Variants in ARFGEF1 observed in about 807,000 individuals in gnomAD.
ARFGEF1 encodes ARF guanine nucleotide exchange factor 1.
A neutral mutation model predicts 231.0 loss-of-function variants in ARFGEF1; 42 were observed. That is an observed-to-expected ratio of 0.18 (90% CI 0.14 to 0.24). The LOEUF (loss-of-function observed/expected upper bound fraction) is 0.24, where lower values mean the gene tolerates loss of function less well. Among genes scored for constraint, ARFGEF1 ranks in the 10% least tolerant of loss-of-function variants. The pLI, the probability that ARFGEF1 is intolerant of heterozygous loss-of-function variation, is 1.00. For synonymous variants in ARFGEF1, 710 were observed against 732.3 expected, an observed-to-expected ratio of 0.97 and a Z score of 0.49; for missense variants, 1,345 against 2,192.0, an observed-to-expected ratio of 0.61 and a Z score of 7.72.
chr8:67,199,946 A>G lies in ARFGEF1; in HGVS notation c.5385+450T>C, dbSNP rs1838266557. On this transcript the variant is annotated intron_variant, in intron 38 of 38. Transcript: ENST00000262215. Reference sequence around the variant, plus strand: ...TAAAATTCTTAGATGAGGCCCATTCACTAGGGACTCTGGGTTACCTGGAAC... The same window carrying G: ...TAAAATTCTTAGATGAGGCCCATTCGCTAGGGACTCTGGGTTACCTGGAAC... 5.4e-5 allele frequency: 14 copies of G among 258,078 alleles called. No homozygotes were observed. The South Asian group carries it at 6.9e-4, about 13-fold the overall frequency. The allele number at this position is 258,078 out of a possible 1,614,324, so 16.0% of individuals were successfully genotyped here. A position where few individuals can be genotyped will look rare whatever the true frequency, so the allele number is the denominator to read the frequency against.
At chr8:67,275,880 G>A (rs1805293076) in intron 9 of ARFGEF1, 96 bp downstream of exon 9, 1 of 1,486,544 alleles carries the variant, frequency 6.7e-7, no homozygotes, top group Non-Finnish European at 9.1e-7. Context: ...TGGTTCTATA[G>A]GACAAAAAGA....
intron 1 of ARFGEF1, among the ~76,000 whole-genome samples, chr8:67,332,061 A>C (rs1808124261): frequency 6.6e-6 from 1 of 152,226 alleles, no homozygotes; most frequent in Non-Finnish European, 1.5e-5. Context: ...AAAATATTTA[A>C]ACAAATGACA....
chr8:67,189,756 C>A (rs2129574956), intron 5 of ARFGEF1, among the ~76,000 whole-genome samples: 1 of 152,278 alleles, frequency 6.6e-6, no homozygotes, highest in African/African-American at 2.4e-5. Context: ...TTGGCAATAA[C>A]ATCATCCCCC....
chr8:67,285,285 A>G (rs527807078), intron 7 of ARFGEF1, among the ~76,000 whole-genome samples: 1 of 152,198 alleles, frequency 6.6e-6, no homozygotes, highest in Non-Finnish European at 1.5e-5. Flanking sequence ...AGGGAGGCTG[A>G]GGTGGGAGGA....
chr8:67,256,486 C>A (rs1003568730), intron 17 of ARFGEF1, among the ~76,000 whole-genome samples: 1 of 152,006 alleles, frequency 6.6e-6, no homozygotes, highest in African/African-American at 2.4e-5. Flanking sequence ...TCAAAACAGA[C>A]ACAAAAAATC....
chr8:67,307,193 C>G (rs1188137268), intron 1 of ARFGEF1, among the ~76,000 whole-genome samples: 1 of 152,212 alleles, frequency 6.6e-6, no homozygotes, highest in African/African-American at 2.4e-5. Context: ...CGCTAGTATT[C>G]AAAAATACTT....
Position 67,277,303 on chromosome 8 carries a change from T to A in ARFGEF1, c.1182A>T (p.Ser394=), listed in dbSNP as rs1222872591. ...YTPSLPDDRL[S]VSSNDTQESG... ...ATACCTGAGTATCATTGGAAGAGAC[T>A]GACAATCTATCATCAGGTAAGGATG... The change falls in exon 8 of 39, where the codon TCA becomes TCT. Residue 394 remains serine (S), a synonymous_variant. Transcript: ENST00000262215. The A allele has an allele frequency of 6.2e-7, 1 of 1,613,292 alleles. No homozygotes were observed. Among genetic ancestry groups the A allele is most frequent in the Non-Finnish European group, 8.5e-7 (1 of 1,179,570 alleles).
Position 67,211,607 on chromosome 8 carries a change from T to C in ARFGEF1, c.4695A>G (p.Ile1565Met). 6.8e-7 allele frequency: 1 copy of C among 1,470,916 alleles called. No homozygotes were observed. The allele number at this position is 1,470,916 out of a possible 1,614,324, so 91.1% of individuals were successfully genotyped here. A position where few individuals can be genotyped will look rare whatever the true frequency, so the allele number is the denominator to read the frequency against. ...CATGAATATCTACAGACTTCTGTGA[T>C]ATTGTATCCTAATAAATAAAAAAAA... ...SPVSEKPLDTISQKSVDIHDS... is the reference protein window; with the variant it reads ...SPVSEKPLDTMSQKSVDIHDS... The change falls in exon 34 of 39, where the codon ATA (isoleucine) becomes ATG (methionine). Residue 1565 changes from isoleucine (I) to methionine (M), a missense_variant. Ile to Met is a conservative substitution (Grantham distance 10). Transcript: ENST00000262215.
intron 1 of ARFGEF1, among the ~76,000 whole-genome samples, chr8:67,325,047 G>A (rs989352531): frequency 6.6e-6 from 1 of 151,784 alleles, no homozygotes; most frequent in Admixed American, 6.6e-5. Context: ...CCGAACAGCT[G>A]GGATTATAGG....
chr8:67,256,693 T>C (rs566079240), intron 17 of ARFGEF1, among the ~76,000 whole-genome samples: 2 of 152,320 alleles, frequency 1.3e-5, no homozygotes, highest in South Asian at 2.1e-4. Flanking sequence ...TGTGTGTTTT[T>C]AGAAACTAAG....
At chr8:67,190,622 C>A in intron 5 of ARFGEF1, 1 of 1,524,062 alleles carries the variant, frequency 6.6e-7, no homozygotes, top group Non-Finnish European at 9.1e-7. Flanking sequence ...AGTATTAAGA[C>A]TCCTTCTGCT....
At chr8:67,174,048 CTCTTTGGGGTCCTCAATTTTT>C (rs1341352278), downstream of ARFGEF1, 1 of 152,084 alleles carries the variant, frequency 6.6e-6, no homozygotes, top group Non-Finnish European at 1.5e-5. Flanking sequence ...ATAAGTAAAG[CTCTTTGGGGTCCTCAATTTTT>C]AAGAGTGTAA....
At chr8:67,282,970 ACTC>A (rs1232706835) in intron 7 of ARFGEF1, among the ~76,000 whole-genome samples, 2 of 152,096 alleles carry the variant, frequency 1.3e-5, no homozygotes, top group African/African-American at 4.8e-5. Context: ...AGTATGAAGA[ACTC>A]CTGAAAATAA....
chr8:67,305,930 G>T (rs1369075311), intron 1 of ARFGEF1, among the ~76,000 whole-genome samples: 1 of 152,010 alleles, frequency 6.6e-6, no homozygotes, highest in African/African-American at 2.4e-5. Context: ...CATATACTAT[G>T]GCCGTAATTT....
At chr8:67,261,258 G>A (rs1251679766) in intron 14 of ARFGEF1, among the ~76,000 whole-genome samples, 1 of 152,204 alleles carries the variant, frequency 6.6e-6, no homozygotes, top group Admixed American at 6.5e-5. Flanking sequence ...TGCCATCTAG[G>A]ACTTTCATAG....
At chr8:67,254,499 C>A (rs1325769791) in intron 17 of ARFGEF1, among the ~76,000 whole-genome samples, 2 of 151,990 alleles carry the variant, frequency 1.3e-5, no homozygotes, top group African/African-American at 4.8e-5. Context: ...CATGAAAGTA[C>A]ACAGAAAAAC....
At chr8:67,251,100 T>G (rs932844948) in intron 19 of ARFGEF1, among the ~76,000 whole-genome samples, 199 bp downstream of exon 19, 1 of 152,248 alleles carries the variant, frequency 6.6e-6, no homozygotes, top group Non-Finnish European at 1.5e-5. Flanking sequence ...TTACTTATAG[T>G]GAGTAACTCC....
At chr8:67,291,599 C>T (rs1806013309) in intron 6 of ARFGEF1, among the ~76,000 whole-genome samples, 1 of 152,076 alleles carries the variant, frequency 6.6e-6, no homozygotes, top group Non-Finnish European at 1.5e-5. Flanking sequence ...TATATCTGCG[C>T]TCCAAAGGAA....
At chr8:67,333,409 A>C (rs1228454333) in intron 1 of ARFGEF1, among the ~76,000 whole-genome samples, 1 of 150,540 alleles carries the variant, frequency 6.6e-6, no homozygotes, top group Non-Finnish European at 1.5e-5. Flanking sequence ...AGCTCACTGC[A>C]GCCTCAACCT....
Sources: gnomAD v4.1 joint callset for allele counts (sites outside exome capture counted in the v4.1 genomes callset) on GRCh38, gnomAD v4.1.1 for gene constraint, MANE v1.5 for transcripts, NCBI Gene and HGNC (gene_info 2026-07-23, HGNC 2026-07-21) for gene names.